Variants in CSNK2A2IP observed in about 807,000 individuals in gnomAD.
CSNK2A2IP encodes casein kinase II subunit alpha'-interacting protein.
the CSNK2A2IP span, among the ~76,000 whole-genome samples, chr3:88,342,227 C>T: frequency 1.1e-4 from 17 of 151,944 alleles, no homozygotes; most frequent in Admixed American, 9.9e-4. Flanking sequence ...TCTGTTACAT[C>T]AAAGTTAGCC....
At chr3:88,411,020 G>A in the CSNK2A2IP span, among the ~76,000 whole-genome samples, 1 of 151,818 alleles carries the variant, frequency 6.6e-6, no homozygotes, top group Non-Finnish European at 1.5e-5. Flanking sequence ...GGGATAATTA[G>A]CTTTTTACCT....
At chr3:88,379,047 G>A in the CSNK2A2IP span, among the ~76,000 whole-genome samples, 1 of 151,664 alleles carries the variant, frequency 6.6e-6, no homozygotes, top group Admixed American at 6.6e-5. Flanking sequence ...TTTATGTTTT[G>A]CTTGGCATTG....
chr3:88,357,413 C>G, the CSNK2A2IP span, among the ~76,000 whole-genome samples: 1 of 151,958 alleles, frequency 6.6e-6, no homozygotes, highest in Non-Finnish European at 1.5e-5. Context: ...GGGTTCTGTT[C>G]CATTAGTGTT....
chr3:88,379,726 G>T, the CSNK2A2IP span, among the ~76,000 whole-genome samples: 1 of 152,072 alleles, frequency 6.6e-6, no homozygotes, highest in Non-Finnish European at 1.5e-5. Context: ...CCCTAAATTT[G>T]TTAGGGCAGG....
chr3:88,450,002 G>A, the CSNK2A2IP span, among the ~76,000 whole-genome samples: 85 of 150,284 alleles, frequency 5.7e-4, no homozygotes, highest in African/African-American at 1.9e-3. Flanking sequence ...CAAGTAGCTG[G>A]GACTACAGGC....
the CSNK2A2IP span, among the ~76,000 whole-genome samples, chr3:88,353,905 T>C: frequency 6.6e-6 from 1 of 152,150 alleles, no homozygotes; most frequent in Admixed American, 6.6e-5. Context: ...CCAACTCTTA[T>C]GTTAAAATTT....
At chr3:88,434,133 G>A in the CSNK2A2IP span, among the ~76,000 whole-genome samples, 1 of 152,048 alleles carries the variant, frequency 6.6e-6, no homozygotes, top group African/African-American at 2.4e-5. Context: ...GGAGGAGATT[G>A]GGTAGTAAGG....
At chr3:88,363,674 G>A in the CSNK2A2IP span, among the ~76,000 whole-genome samples, 1 of 152,152 alleles carries the variant, frequency 6.6e-6, no homozygotes, top group African/African-American at 2.4e-5. Flanking sequence ...ATTCTTGAAT[G>A]TCATTCCAGG....
At chr3:88,358,837 T>C in the CSNK2A2IP span, among the ~76,000 whole-genome samples, 1 of 152,310 alleles carries the variant, frequency 6.6e-6, no homozygotes, top group East Asian at 1.9e-4. Flanking sequence ...AGGGTAATTC[T>C]AGCTTTGTAG....
the CSNK2A2IP span, among the ~76,000 whole-genome samples, chr3:88,398,583 CT>C: frequency 6.6e-6 from 1 of 152,138 alleles, no homozygotes; most frequent in African/African-American, 2.4e-5. Flanking sequence ...TAATGAAACT[CT>C]TTCCACTCTG....
chr3:88,411,290 C>T, the CSNK2A2IP span, among the ~76,000 whole-genome samples: 1 of 151,726 alleles, frequency 6.6e-6, no homozygotes, highest in East Asian at 1.9e-4. Context: ...TTGAGACATT[C>T]TACAGTGTCT....
the CSNK2A2IP span, among the ~76,000 whole-genome samples, chr3:88,363,807 G>A: frequency 1.3e-5 from 2 of 152,148 alleles, no homozygotes; most frequent in African/African-American, 4.8e-5. Context: ...AGACCTTTCT[G>A]AGTATTCCAC....
At chr3:88,467,176 C>T in the CSNK2A2IP span, 10 of 400,148 alleles carry the variant, frequency 2.5e-5, no homozygotes, top group African/African-American at 1.9e-4. Flanking sequence ...TTCTCAGCCA[C>T]AATCCCTGCT....
the CSNK2A2IP span, among the ~76,000 whole-genome samples, chr3:88,362,569 C>T: frequency 6.6e-6 from 1 of 152,216 alleles, no homozygotes. Context: ...TGCCCATGAC[C>T]TCTTAGACCA....
the CSNK2A2IP span, among the ~76,000 whole-genome samples, chr3:88,348,049 T>A: frequency 6.6e-6 from 1 of 152,050 alleles, no homozygotes; most frequent in Non-Finnish European, 1.5e-5. Flanking sequence ...TTTCCTTATC[T>A]AATTACAGGT....
chr3:88,399,382 T>A, the CSNK2A2IP span, among the ~76,000 whole-genome samples: 1 of 152,162 alleles, frequency 6.6e-6, no homozygotes, highest in Non-Finnish European at 1.5e-5. Flanking sequence ...TAGAAGTGAT[T>A]ATCCAGGATC....
chr3:88,367,502 T>A, the CSNK2A2IP span, among the ~76,000 whole-genome samples: 1 of 152,078 alleles, frequency 6.6e-6, no homozygotes, highest in African/African-American at 2.4e-5. Flanking sequence ...AAAAAAAGAT[T>A]TTGGAGATAA....
chr3:88,449,203 A>T, the CSNK2A2IP span, among the ~76,000 whole-genome samples: 1 of 152,162 alleles, frequency 6.6e-6, no homozygotes, highest in Non-Finnish European at 1.5e-5. Context: ...TTTTCATTTC[A>T]ATTCTTCAAA....
At chr3:88,346,612 G>T in the CSNK2A2IP span, among the ~76,000 whole-genome samples, 1 of 151,910 alleles carries the variant, frequency 6.6e-6, no homozygotes, top group African/African-American at 2.4e-5. Flanking sequence ...TTTACAGGGT[G>T]ATTTATTGAA....
Sources: allele counts gnomAD v4.1 joint callset (sites outside exome capture counted in the v4.1 genomes callset), GRCh38; gene constraint gnomAD v4.1.1; transcripts MANE v1.5; gene names NCBI Gene and HGNC (gene_info 2026-07-23, HGNC 2026-07-21).